Variants in LMNB1 observed in about 807,000 individuals in gnomAD.
LMNB1 encodes lamin B1, also known as lamin-B1.
In LMNB1, 23 loss-of-function variants were observed where a neutral mutation model predicts 67.1. The observed-to-expected ratio is 0.34, with a 90% CI of 0.25 to 0.49. The LOEUF (loss-of-function observed/expected upper bound fraction) is 0.49. Ranked by LOEUF, LMNB1 falls within the 20% of genes least tolerant of loss-of-function variation. The pLI is 0.99. For synonymous variants in LMNB1, 281 were observed against 282.9 expected (o/e 0.99, Z 0.07); for missense variants, 634 against 746.5 (o/e 0.85, Z 1.76).
intron 5 of LMNB1, among the ~76,000 whole-genome samples, chr5:126,812,150 G>A (rs1751593044): frequency 6.6e-6 from 1 of 152,180 alleles, no homozygotes; most frequent in African/African-American, 2.4e-5. Flanking sequence ...TGAGGAAGGA[G>A]CCTGCTAGTT....
At chr5:126,804,750 T>G (rs369248500) in intron 1 of LMNB1, 26 bp from the exon 2 acceptor site, 3 of 1,607,960 alleles carry the variant, frequency 1.9e-6, no homozygotes, top group Non-Finnish European at 2.6e-6. Context: ...TGGTTTGATG[T>G]CTTATGCTTT....
At chr5:126,786,687 T>G (rs982275870) in intron 1 of LMNB1, among the ~76,000 whole-genome samples, 1 of 152,184 alleles carries the variant, frequency 6.6e-6, no homozygotes, top group African/African-American at 2.4e-5. Context: ...AAGTCTCAGA[T>G]AGGATAGTTG....
chr5:126,790,608 G>A (rs975364165), intron 1 of LMNB1, among the ~76,000 whole-genome samples: 1 of 151,900 alleles, frequency 6.6e-6, no homozygotes, highest in African/African-American at 2.4e-5. Context: ...GTCTATGCCA[G>A]TTGTTAGAAC....
chr5:126,801,947 T>A (rs1376300385), intron 1 of LMNB1, among the ~76,000 whole-genome samples: 2 of 152,278 alleles, frequency 1.3e-5, no homozygotes. Context: ...TCTTATGACA[T>A]GTATCCTAGC....
intron 5 of LMNB1, among the ~76,000 whole-genome samples, chr5:126,815,453 C>G (rs543498476): frequency 6.6e-6 from 1 of 152,230 alleles, no homozygotes; most frequent in African/African-American, 2.4e-5. Flanking sequence ...GAGAAGAGTA[C>G]AGTATGGTAC....
Position 126,823,852 on chromosome 5 carries a change from C to T in LMNB1, c.1491+967C>T, listed in dbSNP as rs1751927387. On this transcript the variant is annotated intron_variant, in intron 8 of 10. Coordinates refer to ENST00000261366, the MANE Select transcript of LMNB1 (RefSeq NM_005573.4). ...TATCCTTTCTTCTCGTTAGTAATTA[C>T]TATAGTGAGAAAAAATTGCTCACTA... is the stretch of plus-strand genomic sequence containing the variant. Among the ~76,000 whole-genome samples the T allele has an allele frequency of 1.3e-5, 2 of 152,142 alleles. 1 individual carries two copies. The highest frequency in any genetic ancestry group is 1.3e-4 in the Admixed American group (2 of 15,276).
chr5:126,783,461 A>G (rs1056365303), intron 1 of LMNB1, among the ~76,000 whole-genome samples: 1 of 152,048 alleles, frequency 6.6e-6, no homozygotes, highest in Non-Finnish European at 1.5e-5. Context: ...AGTTATGTTA[A>G]ATGTTACTTT....
upstream of LMNB1, chr5:126,776,763 G>A (rs956256351): frequency 6.6e-6 from 1 of 152,326 alleles, no homozygotes; most frequent in Admixed American, 6.5e-5. Flanking sequence ...GGAAACCTCC[G>A]GGCTCCTTCC....
chr5:126,817,362 A>G (rs1272856114), intron 5 of LMNB1, among the ~76,000 whole-genome samples: 2 of 152,210 alleles, frequency 1.3e-5, no homozygotes, highest in Non-Finnish European at 2.9e-5. Flanking sequence ...AGAATGGTAT[A>G]TAGAAATTAA....
intron 1 of LMNB1, among the ~76,000 whole-genome samples, 183 bp from the exon 2 acceptor site, chr5:126,804,593 T>G (rs1314340820): frequency 6.6e-6 from 1 of 152,170 alleles, no homozygotes. Context: ...CATGTGACAT[T>G]GAAAGAGAAT....
intron 3 of LMNB1, among the ~76,000 whole-genome samples, chr5:126,806,377 C>T (rs1246709372): frequency 6.6e-6 from 1 of 152,206 alleles, no homozygotes; most frequent in Non-Finnish European, 1.5e-5. Context: ...AAACCACAGA[C>T]TTGTATTAAT....
intron 9 of LMNB1, among the ~76,000 whole-genome samples, chr5:126,828,130 A>G (rs1279139523): frequency 6.6e-6 from 1 of 152,222 alleles, no homozygotes; most frequent in Admixed American, 6.5e-5. Context: ...AGGTGCCTGG[A>G]TAAAAAGTTC....
intron 9 of LMNB1, among the ~76,000 whole-genome samples, chr5:126,827,559 G>T (rs1398954127): frequency 6.6e-6 from 1 of 152,168 alleles, no homozygotes; most frequent in African/African-American, 2.4e-5. Flanking sequence ...TACTCAGGAA[G>T]CTGAGGCAGG....
intron 1 of LMNB1, among the ~76,000 whole-genome samples, chr5:126,790,615 G>A (rs921144339): frequency 1.3e-5 from 2 of 151,812 alleles, no homozygotes; most frequent in Non-Finnish European, 2.9e-5. Flanking sequence ...CCAGTTGTTA[G>A]AACATCAAAT....
intron 9 of LMNB1, among the ~76,000 whole-genome samples, chr5:126,829,139 T>C (rs1199412161): frequency 3.3e-5 from 5 of 152,060 alleles, no homozygotes; most frequent in Non-Finnish European, 7.4e-5. Flanking sequence ...TTCTTATGTT[T>C]TTTTTTTTCT....
chr5:126,825,328 T>C (rs910715344), intron 8 of LMNB1, among the ~76,000 whole-genome samples: 1 of 152,256 alleles, frequency 6.6e-6, no homozygotes, highest in African/African-American at 2.4e-5. Flanking sequence ...ATAGCAATTA[T>C]ATTTTCCCTT....
At chr5:126,803,440 G>T (rs1231564549) in intron 1 of LMNB1, among the ~76,000 whole-genome samples, 2 of 151,802 alleles carry the variant, frequency 1.3e-5, no homozygotes, top group Non-Finnish European at 2.9e-5. Context: ...TAGAGACGGG[G>T]TTTCTCCATG....
intron 5 of LMNB1, among the ~76,000 whole-genome samples, chr5:126,812,718 C>CTTTTTTTTTTTTTT (rs11430160): frequency 6.0e-5 from 7 of 117,156 alleles, no homozygotes; most frequent in African/African-American, 2.0e-4. Flanking sequence ...CTTTATTTTA[C>CTTTTTTTTTTTTTT]TTTTTTTTTT....
At chr5:126,778,626 C>T (rs1220406988) in intron 1 of LMNB1, among the ~76,000 whole-genome samples, 1 of 152,156 alleles carries the variant, frequency 6.6e-6, no homozygotes, top group Non-Finnish European at 1.5e-5. Flanking sequence ...GGTGGTTCTG[C>T]GCAGGGAAGG....
Sources: gnomAD v4.1 joint callset for allele counts (sites outside exome capture counted in the v4.1 genomes callset) on GRCh38, gnomAD v4.1.1 for gene constraint, MANE v1.5 for transcripts, NCBI Gene and HGNC (gene_info 2026-07-23, HGNC 2026-07-21) for gene names.